Variants in SCAPER observed in about 807,000 individuals in gnomAD.
The protein encoded by SCAPER is S-phase cyclin A associated protein in the ER, also known as S phase cyclin A-associated protein in the endoplasmic reticulum.
Under a neutral mutation model 182.2 loss-of-function variants are expected in SCAPER, and 98 were observed. The ratio of observed to expected loss-of-function variants is 0.54; its 90% CI spans 0.46 to 0.64. The LOEUF (loss-of-function observed/expected upper bound fraction) is 0.64, where lower values mean the gene tolerates loss of function less well. Among genes scored for constraint, SCAPER ranks in the 30% least tolerant of loss-of-function variants. SCAPER has a pLI of 0.00. For synonymous variants in SCAPER, 605 were observed against 564.6 expected, an observed-to-expected ratio of 1.07 and a Z score of -1.01; for missense variants, 1,432 against 1,690.0, an observed-to-expected ratio of 0.85 and a Z score of 2.68.
rs1481050245 is a variant in SCAPER at position 76,813,246 on chromosome 15, A to AC, written c.394-8614_394-8613insG. ...TTTCACTAAAAAAAAAAAAAAAAAAAAAAAAAAAACAACTCAACAAAATAG... is the reference window on the plus strand; with the variant it reads ...TTTCACTAAAAAAAAAAAAAAAAAAACAAAAAAAAACAACTCAACAAAATAG... On this transcript the variant is annotated intron_variant, in intron 5 of 31. Transcript: ENST00000563290. Among the ~76,000 whole-genome samples the AC allele has an allele frequency of 1.0e-3, 63 of 61,332 alleles. 3 individuals carry two copies. The highest frequency in any genetic ancestry group is 1.9e-3 in the Non-Finnish European group (32 of 17,180). The allele number at this position is 61,332 out of a possible 152,430, so 40.2% of individuals were successfully genotyped here. A position where few individuals can be genotyped will look rare whatever the true frequency, so the allele number is the denominator to read the frequency against.
At chr15:76,365,355 G>A (rs1466086263) in intron 29 of SCAPER, among the ~76,000 whole-genome samples, 4 of 152,242 alleles carry the variant, frequency 2.6e-5, no homozygotes, top group Non-Finnish European at 4.4e-5. Context: ...TTACCTTCCA[G>A]TCTTCTGTGT....
At chr15:76,722,380 A>G (rs1405525926) in intron 17 of SCAPER, among the ~76,000 whole-genome samples, 1 of 152,146 alleles carries the variant, frequency 6.6e-6, no homozygotes, top group African/African-American at 2.4e-5. Flanking sequence ...ATATTGGTCT[A>G]AAATTCTCTT....
At chr15:76,830,968 G>A (rs139211090) in intron 5 of SCAPER, among the ~76,000 whole-genome samples, 1 of 152,194 alleles carries the variant, frequency 6.6e-6, no homozygotes, top group East Asian at 1.9e-4. Context: ...CTATGGAAGG[G>A]GTAAGTAAAA....
At chr15:76,444,039 A>G (rs1173448845) in intron 25 of SCAPER, among the ~76,000 whole-genome samples, 1 of 152,168 alleles carries the variant, frequency 6.6e-6, no homozygotes, top group African/African-American at 2.4e-5. Flanking sequence ...GTGCGTTTTG[A>G]GAAGGTTAGC....
chr15:76,829,836 G>A (rs1442695848), intron 5 of SCAPER, among the ~76,000 whole-genome samples: 1 of 152,160 alleles, frequency 6.6e-6, no homozygotes, highest in Non-Finnish European at 1.5e-5. Context: ...ACCAAGTACT[G>A]AAGATGGAGG....
At chr15:76,741,494 G>A (rs888107037) in intron 15 of SCAPER, among the ~76,000 whole-genome samples, 2 of 152,108 alleles carry the variant, frequency 1.3e-5, no homozygotes, top group African/African-American at 2.4e-5. Flanking sequence ...AATCTGGAGG[G>A]AGGAGGAACA....
intron 26 of SCAPER, among the ~76,000 whole-genome samples, chr15:76,420,096 G>A (rs927311297): frequency 9.1e-4 from 139 of 152,058 alleles, no homozygotes; most frequent in African/African-American, 3.0e-3. Flanking sequence ...TTCCTTCATT[G>A]AAAAAACTCT....
intron 24 of SCAPER, among the ~76,000 whole-genome samples, chr15:76,494,757 T>C (rs975142610): frequency 6.6e-6 from 1 of 152,062 alleles, no homozygotes; most frequent in Admixed American, 6.5e-5. Flanking sequence ...ATTGATAAGA[T>C]ATTCTATCTT....
chr15:76,537,691 T>C (rs1254949604), intron 23 of SCAPER, among the ~76,000 whole-genome samples: 2 of 151,808 alleles, frequency 1.3e-5, no homozygotes, highest in East Asian at 1.9e-4. Flanking sequence ...CCAAAAGCAA[T>C]GGCAACGAAA....
At chr15:76,732,902 G>C (rs2061008335) in intron 16 of SCAPER, among the ~76,000 whole-genome samples, 1 of 152,164 alleles carries the variant, frequency 6.6e-6, no homozygotes, top group Admixed American at 6.5e-5. Context: ...TCAGCTGCCA[G>C]GCAGGGAAGG....
chr15:76,691,064 C>T (rs1358955899), intron 20 of SCAPER, among the ~76,000 whole-genome samples: 1 of 151,858 alleles, frequency 6.6e-6, no homozygotes, highest in African/African-American at 2.4e-5. Flanking sequence ...AAAACAAAAG[C>T]ACGTATTAAA....
intron 21 of SCAPER, among the ~76,000 whole-genome samples, chr15:76,650,117 A>G (rs2054894805): frequency 6.6e-6 from 1 of 152,146 alleles, no homozygotes; most frequent in Non-Finnish European, 1.5e-5. Context: ...GAAATACTAT[A>G]ATATTATTTG....
Position 76,705,590 on chromosome 15 carries a change from TA to T in SCAPER, c.2247+312del, listed in dbSNP as rs983987153. 2.0e-3 allele frequency among the ~76,000 whole-genome samples: 303 copies of T among 148,788 alleles called. 3 individuals are homozygous for T. Among genetic ancestry groups the T allele is most frequent in the African/African-American group, 6.7e-3 (270 of 40,566 alleles). ...ACAAGAAGATGGCTTTTAGGATGGT[TA>T]AAAAAAAACAATGTAAATACACTTA... is the stretch of plus-strand genomic sequence containing the variant. On this transcript the variant is annotated intron_variant, in intron 18 of 31. Coordinates refer to ENST00000563290, the MANE Select transcript of SCAPER (RefSeq NM_020843.4).
chr15:76,730,240 G>A (rs889042333), intron 16 of SCAPER, among the ~76,000 whole-genome samples: 1 of 151,836 alleles, frequency 6.6e-6, no homozygotes, highest in Non-Finnish European at 1.5e-5. Flanking sequence ...ATCTGCCCCA[G>A]GGAAAGAAAG....
intron 21 of SCAPER, among the ~76,000 whole-genome samples, chr15:76,638,838 C>T (rs2053860666): frequency 6.6e-6 from 1 of 152,122 alleles, no homozygotes. Context: ...AATTCTCATA[C>T]AGCATTTAAT....
intron 21 of SCAPER, among the ~76,000 whole-genome samples, chr15:76,662,701 G>A (rs2056289881): frequency 6.6e-6 from 1 of 151,970 alleles, no homozygotes; most frequent in African/African-American, 2.4e-5. Flanking sequence ...TTAAATCAAG[G>A]TGCTAAGCCA....
chr15:76,593,137 G>A lies in SCAPER; in HGVS notation c.2712-18853C>T, dbSNP rs1597569307. On this transcript the variant is annotated intron_variant, in intron 22 of 31. Coordinates refer to ENST00000563290, the MANE Select transcript of SCAPER (RefSeq NM_020843.4). ...CTGGGAAGCTTGAGCTTGGTGTGGG[G>A]AGGGGTGCCTGCCATTACTGAGGCT... 1.6e-5 allele frequency among the ~76,000 whole-genome samples: 2 copies of A among 121,568 alleles called. 1 individual carries two copies. Among genetic ancestry groups the A allele is most frequent in the East Asian group, 4.5e-4 (2 of 4,462 alleles). 79.8% of individuals were successfully genotyped at this position (121,568 alleles called of 152,430 possible). A position where few individuals can be genotyped will look rare whatever the true frequency, so the allele number is the denominator to read the frequency against.
At chr15:76,499,623 G>A (rs1352757155) in intron 24 of SCAPER, among the ~76,000 whole-genome samples, 2 of 152,160 alleles carry the variant, frequency 1.3e-5, no homozygotes, top group Non-Finnish European at 2.9e-5. Context: ...GGAGATGATG[G>A]TACAGCAGAC....
Position 76,584,632 on chromosome 15 carries a change from T to C in SCAPER, c.2712-10348A>G, listed in dbSNP as rs563807726. On this transcript the variant is annotated intron_variant, in intron 22 of 31. Coordinates refer to ENST00000563290, the MANE Select transcript of SCAPER (RefSeq NM_020843.4). Reference sequence around the variant, plus strand: ...TCCCAAGGTCACACAGTTGGTAAAATGTACTATGGAACTTGAAACCTAAGC... The same window carrying C: ...TCCCAAGGTCACACAGTTGGTAAAACGTACTATGGAACTTGAAACCTAAGC... Among the ~76,000 whole-genome samples the C allele has an allele frequency of 3.9e-5, 6 of 152,302 alleles. 1 individual carries two copies. The highest frequency in any genetic ancestry group is 1.4e-4 in the African/African-American group (6 of 41,566).
Sources: gnomAD v4.1 joint callset for allele counts (sites outside exome capture counted in the v4.1 genomes callset) on GRCh38, gnomAD v4.1.1 for gene constraint, MANE v1.5 for transcripts, NCBI Gene and HGNC (gene_info 2026-07-23, HGNC 2026-07-21) for gene names.